The following TENM4 variants were observed in gnomAD, a reference collection of about 807,000 sequenced individuals.
TENM4 encodes the protein teneurin transmembrane protein 4, also known as teneurin-4.
Under a neutral mutation model 243.3 loss-of-function variants are expected in TENM4, and 82 were observed. The observed-to-expected ratio is 0.34, with a 90% CI of 0.28 to 0.40. The LOEUF is 0.40. Among genes scored for constraint, TENM4 ranks in the 10% least tolerant of loss-of-function variants. The probability of loss-of-function intolerance (pLI) is 1.00; values close to 1 mark genes in which losing one functional copy is unlikely to be tolerated. For missense variants in TENM4, 3,138 were observed against 3,673.3 expected (o/e 0.85, Z 3.77); for synonymous variants, 1,412 against 1,456.3 (o/e 0.97, Z 0.69).
rs375147197 is a variant in TENM4, at chr11:78,899,559, C to CCGGGG, written c.749+3708_749+3709insCCCCG. 4.1e-4 allele frequency among the ~76,000 whole-genome samples: 12 copies of CCGGGG among 29,614 alleles called. 1 individual carries two copies. The highest frequency in any genetic ancestry group is 6.5e-4 in the African/African-American group (9 of 13,920). 19.4% of individuals were successfully genotyped at this position (29,614 alleles called of 152,430 possible). ...TGCCACTGCACTCTGTCTCAAAAAG[C>CCGGGG]GGGGGGGGGGGGAAAAAGAAAAAAG... On this transcript the variant is annotated intron_variant, in intron 7 of 33. Coordinates refer to ENST00000278550, the MANE Select transcript of TENM4 (RefSeq NM_001098816.3).
At chr11:78,880,226 T>G (rs898934601) in intron 9 of TENM4, among the ~76,000 whole-genome samples, 20 of 152,250 alleles carry the variant, frequency 1.3e-4, no homozygotes, top group South Asian at 1.2e-3. Flanking sequence ...GGTGCAAGAT[T>G]TGCTTTGTTA....
chr11:79,154,979 A>G (rs1862575062), intron 3 of TENM4, among the ~76,000 whole-genome samples: 1 of 152,144 alleles, frequency 6.6e-6, no homozygotes, highest in Non-Finnish European at 1.5e-5. Flanking sequence ...GTGCATTTCC[A>G]TGCAGTTCAA....
At chr11:79,057,786 A>G (rs1350409014) in intron 6 of TENM4, among the ~76,000 whole-genome samples, 2 of 151,860 alleles carry the variant, frequency 1.3e-5, no homozygotes, top group African/African-American at 4.8e-5. Flanking sequence ...CTCCTAGTAC[A>G]CTCTGCCACC....
intron 1 of TENM4, among the ~76,000 whole-genome samples, chr11:79,316,308 G>T (rs1856801429): frequency 6.6e-6 from 1 of 152,168 alleles, no homozygotes; most frequent in Admixed American, 6.5e-5. Context: ...GAACAATGGG[G>T]AAGGAAAAAT....
chr11:79,339,864 G>A (rs549629886), intron 1 of TENM4, among the ~76,000 whole-genome samples: 1 of 152,304 alleles, frequency 6.6e-6, no homozygotes, highest in East Asian at 1.9e-4. Context: ...AGGGGACAGT[G>A]TGGGAAGCTG....
At chr11:79,381,198 T>C (rs1857994749) in intron 1 of TENM4, among the ~76,000 whole-genome samples, 1 of 152,070 alleles carries the variant, frequency 6.6e-6, no homozygotes, top group Non-Finnish European at 1.5e-5. Context: ...CCCAATTCCC[T>C]GCCATTATCA....
chr11:79,259,491 A>T (rs917624013), intron 2 of TENM4, among the ~76,000 whole-genome samples: 1 of 151,082 alleles, frequency 6.6e-6, no homozygotes, highest in South Asian at 2.1e-4. Flanking sequence ...CCATCCATCC[A>T]TCTATCCATG....
At chr11:79,004,249 C>T (rs1858413493) in intron 6 of TENM4, among the ~76,000 whole-genome samples, 1 of 152,166 alleles carries the variant, frequency 6.6e-6, no homozygotes, top group Non-Finnish European at 1.5e-5. Flanking sequence ...AGAAAACTAG[C>T]AAAGAGATTC....
chr11:79,135,141 T>C (rs1052859288), intron 4 of TENM4, among the ~76,000 whole-genome samples: 2 of 151,498 alleles, frequency 1.3e-5, no homozygotes, highest in African/African-American at 2.4e-5. Context: ...CTTAAACAAA[T>C]CAGTAAGCAA....
intron 2 of TENM4, among the ~76,000 whole-genome samples, chr11:79,244,199 C>T (rs7945133): frequency 0.42 from 63,368 of 152,014 alleles, 13,459 homozygotes; most frequent in East Asian, 0.66. Context: ...CCAGGTGAGG[C>T]TAATGCTCCT....
chr11:78,670,685 G>T (rs1047278097), intron 31 of TENM4, 134 bp from the exon 32 acceptor site: 2 of 888,844 alleles, frequency 2.3e-6, no homozygotes, highest in Non-Finnish European at 3.4e-6. Flanking sequence ...CTTGAGTTAT[G>T]CTCCAACCAG....
intron 6 of TENM4, among the ~76,000 whole-genome samples, chr11:78,966,166 C>T (rs1201455845): frequency 2.0e-5 from 3 of 146,434 alleles, no homozygotes; most frequent in Non-Finnish European, 4.5e-5. Flanking sequence ...TTTGCACCTC[C>T]GTTTCTACAC....
chr11:79,287,210 C>T (rs1856272209), intron 2 of TENM4, among the ~76,000 whole-genome samples: 1 of 152,120 alleles, frequency 6.6e-6, no homozygotes, highest in Admixed American at 6.5e-5. Context: ...TTTTATAAAA[C>T]CAGCACATGG....
intron 1 of TENM4, among the ~76,000 whole-genome samples, chr11:79,381,585 A>G (rs1858004642): frequency 6.7e-6 from 1 of 150,182 alleles, no homozygotes; most frequent in Admixed American, 6.7e-5. Context: ...GGTGCAAATG[A>G]GCAGCCCATC....
intron 9 of TENM4, among the ~76,000 whole-genome samples, chr11:78,864,934 C>G (rs1342815691): frequency 6.6e-6 from 1 of 152,040 alleles, no homozygotes. Context: ...GGAGGGGGTG[C>G]CTGACCCGCT....
intron 12 of TENM4, among the ~76,000 whole-genome samples, chr11:78,853,654 T>C (rs899835214): frequency 9.2e-5 from 14 of 152,186 alleles, no homozygotes; most frequent in African/African-American, 3.4e-4. Context: ...CAAGCCTGTA[T>C]CCTCTTTTCT....
intron 4 of TENM4, among the ~76,000 whole-genome samples, chr11:79,118,650 A>G (rs1861672446): frequency 6.6e-6 from 1 of 152,168 alleles, no homozygotes; most frequent in African/African-American, 2.4e-5. Flanking sequence ...GGAATCATAC[A>G]TCATATGTCT....
intron 1 of TENM4, chr11:79,402,231 G>A (rs910448240): frequency 5.7e-6 from 1 of 176,552 alleles, no homozygotes; most frequent in Non-Finnish European, 1.4e-5. Context: ...AGGGTTAGGG[G>A]AATGAAGTCA....
At chr11:78,762,885 A>G (rs1856459429) in intron 18 of TENM4, among the ~76,000 whole-genome samples, 2 of 151,914 alleles carry the variant, frequency 1.3e-5, no homozygotes, top group Admixed American at 1.3e-4. Context: ...CATTAAAAGG[A>G]AAAAAAAGCG....
Sources: gnomAD v4.1 joint callset for allele counts (sites outside exome capture counted in the v4.1 genomes callset) on GRCh38, gnomAD v4.1.1 for gene constraint, MANE v1.5 for transcripts, NCBI Gene and HGNC (gene_info 2026-07-23, HGNC 2026-07-21) for gene names.